The following AMDHD1 variants were observed in gnomAD, a reference collection of about 807,000 sequenced individuals.
AMDHD1 encodes amidohydrolase domain containing 1.
AMDHD1 carries 45 observed loss-of-function variants against 44.1 expected under a neutral mutation model. The ratio of observed to expected loss-of-function variants is 1.02; its 90% CI spans 0.80 to 1.31. AMDHD1 has a LOEUF of 1.31. AMDHD1 is among the 50% of genes most tolerant of loss of function. The probability of loss-of-function intolerance (pLI) is 0.00; values close to 1 mark genes in which losing one functional copy is unlikely to be tolerated. For synonymous variants in AMDHD1, 206 were observed against 205.0 expected, an observed-to-expected ratio of 1.00 and a Z score of -0.04; for missense variants, 586 against 552.1, an observed-to-expected ratio of 1.06 and a Z score of -0.61.
Position 95,952,714 on chromosome 12 carries a change from C to T in AMDHD1, c.138-3C>T, listed in dbSNP as rs1242542373. On this transcript the variant is annotated splice_region_variant and splice_polypyrimidine_tract_variant and intron_variant, in intron 1 of 8. Transcript: ENST00000266736. The stretch of plus-strand genomic sequence containing the variant: ...TAATAACTATTTCTTGATTTTTCTT[C>T]AGAGATGGATTTATAAAAGCTATTG... 14 of 1,577,060 alleles carry T rather than the reference C, an allele frequency of 8.9e-6. No individual in the cohort carries two copies. The highest frequency in any genetic ancestry group is 1.7e-5 in the Admixed American group (1 of 57,426).
chr12:95,943,664 C>G (rs1184707912), intron 1 of AMDHD1, 129 bp downstream of exon 1: 2 of 1,267,212 alleles, frequency 1.6e-6, no homozygotes, highest in Middle Eastern at 2.0e-4. Flanking sequence ...GGCAAGCCAG[C>G]CTTTGGGGTA....
intron 8 of AMDHD1, among the ~76,000 whole-genome samples, chr12:95,966,797 T>C (rs575973008): frequency 1.1e-4 from 16 of 152,322 alleles, no homozygotes; most frequent in African/African-American, 3.8e-4. Flanking sequence ...CTGGCATGTG[T>C]TTGTGTTTTT....
chr12:95,959,312 G>C (rs1232864816), intron 4 of AMDHD1, among the ~76,000 whole-genome samples: 1 of 152,260 alleles, frequency 6.6e-6, no homozygotes, highest in Admixed American at 6.5e-5. Flanking sequence ...AAGTTACGTG[G>C]CCACCATGTG....
intron 1 of AMDHD1, among the ~76,000 whole-genome samples, chr12:95,944,663 T>C (rs2080485853): frequency 6.6e-6 from 1 of 152,158 alleles, no homozygotes; most frequent in African/African-American, 2.4e-5. Context: ...GCCATCCACC[T>C]GGTTTGGCCT....
chr12:95,960,394 C>A lies in AMDHD1; in HGVS notation c.588-4C>A. The stretch of plus-strand genomic sequence containing the variant: ...GCCCATGGCAATCTCATTTTCTTCC[C>A]CAGAGGAAAAACTGCTACTGAAGCT... On this transcript the variant is annotated splice_region_variant and splice_polypyrimidine_tract_variant and intron_variant, in intron 4 of 8. Coordinates refer to ENST00000266736, the MANE Select transcript of AMDHD1 (RefSeq NM_152435.3). The A allele has an allele frequency of 6.2e-7, 1 of 1,612,686 alleles. No homozygotes were observed. The highest frequency in any genetic ancestry group is 8.5e-7 in the Non-Finnish European group (1 of 1,179,612).
At position 95,956,676 on chromosome 12, in the gene AMDHD1, T is replaced by C. The variant is rs2080551518; in HGVS notation, c.310-9T>C. On this transcript the variant is annotated splice_polypyrimidine_tract_variant and intron_variant, in intron 3 of 8. Coordinates refer to ENST00000266736, the MANE Select transcript of AMDHD1 (RefSeq NM_152435.3). ...CATGTGCTGGCCTAAAGGTGAGGCG[T>C]GTGTTCAGTTGGCAGGAGCCACCTA... 2 of 1,613,000 alleles carry C rather than the reference T, an allele frequency of 1.2e-6. No individual in the cohort carries two copies. Among genetic ancestry groups the C allele is most frequent in the Non-Finnish European group, 1.7e-6 (2 of 1,179,194 alleles).
Position 95,968,630 on chromosome 12 carries a change from A to G in AMDHD1, c.*787A>G, listed in dbSNP as rs1025330625. The G allele has an allele frequency of 1.3e-5, 2 of 152,242 alleles. No individual in the cohort carries two copies. Among genetic ancestry groups the G allele is most frequent in the Non-Finnish European group, 2.9e-5 (2 of 68,042 alleles). The allele number at this position is 152,242 out of a possible 1,614,324, so 9.4% of individuals were successfully genotyped here. A position where few individuals can be genotyped will look rare whatever the true frequency, so the allele number is the denominator to read the frequency against. ...CCTTTCAGCCTGGAAGTAGATCAGCAGCGTTGTCTATTAGAGTTTTTAGGA... is the reference window on the plus strand; with the variant it reads ...CCTTTCAGCCTGGAAGTAGATCAGCGGCGTTGTCTATTAGAGTTTTTAGGA... On this transcript the variant is annotated 3_prime_UTR_variant, in exon 9 of 9. Coordinates refer to ENST00000266736, the MANE Select transcript of AMDHD1 (RefSeq NM_152435.3).
chr12:95,954,767 C>A, intron 2 of AMDHD1, 144 bp from the exon 3 acceptor site: 1 of 678,604 alleles, frequency 1.5e-6, no homozygotes, highest in Non-Finnish European at 2.5e-6. Flanking sequence ...ACCAGACAGA[C>A]AAATTCTTCC....
chr12:95,955,241 T>C (rs1282456792), intron 3 of AMDHD1, among the ~76,000 whole-genome samples: 1 of 152,230 alleles, frequency 6.6e-6, no homozygotes, highest in Non-Finnish European at 1.5e-5. Flanking sequence ...CTATCTCTAG[T>C]AGCTTTTGAA....
intron 7 of AMDHD1, among the ~76,000 whole-genome samples, chr12:95,966,077 G>A (rs1441545510): frequency 6.6e-6 from 1 of 152,188 alleles, no homozygotes; most frequent in Non-Finnish European, 1.5e-5. Context: ...ACTCCAAGAG[G>A]TCTTAGTAAG....
rs573982132 is a variant in AMDHD1 at position 95,952,547 on chromosome 12, G to A, written c.138-170G>A. On this transcript the variant is annotated intron_variant, in intron 1 of 8. Transcript: ENST00000266736. ...CTTTGGCTAATCTGGGTCTTTTATG[G>A]TTGCCTCGAATGTGGCTAGAGACGC... is the stretch of plus-strand genomic sequence containing the variant. Among the ~76,000 whole-genome samples the A allele has an allele frequency of 1.1e-4, 16 of 152,186 alleles. No individual in the cohort carries two copies. The South Asian group carries it at 2.5e-3, about 24-fold the overall frequency.
chr12:95,949,545 G>T (rs1267208104), intron 1 of AMDHD1, among the ~76,000 whole-genome samples: 1 of 152,090 alleles, frequency 6.6e-6, no homozygotes, highest in African/African-American at 2.4e-5. Flanking sequence ...TACGTTCATT[G>T]TAGGAAAAGA....
At chr12:95,956,333 C>T (rs150205825) in intron 3 of AMDHD1, among the ~76,000 whole-genome samples, 2 of 152,174 alleles carry the variant, frequency 1.3e-5, no homozygotes, top group Non-Finnish European at 2.9e-5. Context: ...TGTTCTTGAA[C>T]TCCTGACCTC....
chr12:95,965,222 C>G (rs1307787762), intron 6 of AMDHD1, among the ~76,000 whole-genome samples: 1 of 149,534 alleles, frequency 6.7e-6, no homozygotes, highest in Non-Finnish European at 1.5e-5. Flanking sequence ...TCGCTTGAAC[C>G]CAGAAGGTAG....
intron 1 of AMDHD1, among the ~76,000 whole-genome samples, chr12:95,944,923 T>G (rs1305572562): frequency 6.6e-6 from 1 of 152,040 alleles, no homozygotes; most frequent in African/African-American, 2.4e-5. Flanking sequence ...CACCTGAGGT[T>G]GGGAGCTCGA....
At chr12:95,966,840 A>G (rs528917714) in intron 8 of AMDHD1, among the ~76,000 whole-genome samples, 1 of 151,754 alleles carries the variant, frequency 6.6e-6, no homozygotes, top group African/African-American at 2.4e-5. Context: ...CTTGCTCCCA[A>G]CTCTGGCTTC....
chr12:95,963,818 G>A (rs929372811), intron 6 of AMDHD1, among the ~76,000 whole-genome samples: 1 of 152,080 alleles, frequency 6.6e-6, no homozygotes, highest in Non-Finnish European at 1.5e-5. Context: ...ATCACTTGAG[G>A]CCAAGAGTTC....
In AMDHD1 at chr12:95,943,387, G is replaced by A; in HGVS notation, c.-12G>A. 6.8e-7 allele frequency: 1 copy of A among 1,476,932 alleles called. No individual in the cohort carries two copies. The allele number at this position is 1,476,932 out of a possible 1,614,324, so 91.5% of individuals were successfully genotyped here. A position where few individuals can be genotyped will look rare whatever the true frequency, so the allele number is the denominator to read the frequency against. ...CCCGGTGGCCTCCCGGCGACCCTCG[G>A]CGCGAGGCGACATGGCAAGCGGCCA... On this transcript the variant is annotated 5_prime_UTR_variant, in exon 1 of 9. Coordinates refer to ENST00000266736, the MANE Select transcript of AMDHD1 (RefSeq NM_152435.3).
intron 4 of AMDHD1, among the ~76,000 whole-genome samples, chr12:95,958,670 G>A (rs996268714): frequency 6.6e-6 from 1 of 152,136 alleles, no homozygotes; most frequent in African/African-American, 2.4e-5. Flanking sequence ...TGATTTTGAG[G>A]TCATGACTTA....
Sources: gnomAD v4.1 joint callset for allele counts (sites outside exome capture counted in the v4.1 genomes callset) on GRCh38, gnomAD v4.1.1 for gene constraint, MANE v1.5 for transcripts, NCBI Gene and HGNC (gene_info 2026-07-23, HGNC 2026-07-21) for gene names.